The following SGIP1 variants were observed in gnomAD, a reference collection of about 807,000 sequenced individuals.
SGIP1 encodes SH3GL interacting endocytic adaptor 1.
In SGIP1, 38 loss-of-function variants were observed where a neutral mutation model predicts 107.5. The ratio of observed to expected loss-of-function variants is 0.35; its 90% CI spans 0.27 to 0.46. The LOEUF (loss-of-function observed/expected upper bound fraction) is 0.46. Ranked by LOEUF, SGIP1 falls within the 20% of genes least tolerant of loss-of-function variation. The pLI, the probability that SGIP1 is intolerant of heterozygous loss-of-function variation, is 1.00. For missense variants in SGIP1, 929 were observed against 1,019.5 expected, an observed-to-expected ratio of 0.91 and a Z score of 1.21; for synonymous variants, 365 against 366.1, an observed-to-expected ratio of 1.00 and a Z score of 0.03.
In SGIP1 at chr1:66,677,858, T is replaced by A. The variant is rs146600573; in HGVS notation, c.739+762T>A. Among the ~76,000 whole-genome samples the A allele has an allele frequency of 5.1e-4, 77 of 152,302 alleles. No individual in the cohort carries two copies. In the East Asian group the frequency reaches 0.011, roughly 23 times the overall value. ...GGGGAGGAGAGAGATGCAGAGGATGTTTTTACTCCTTTGGGCTCACATACA... is the reference window on the plus strand; with the variant it reads ...GGGGAGGAGAGAGATGCAGAGGATGATTTTACTCCTTTGGGCTCACATACA... On this transcript the variant is annotated intron_variant, in intron 13 of 24. Transcript: ENST00000371037.
rs1181717196 is a variant in SGIP1, at chr1:66,739,349, C to T, written c.2046C>T (p.Gly682=). 12 of 1,607,516 alleles carry T rather than the reference C, an allele frequency of 7.5e-6. No individual in the cohort carries two copies. In the South Asian group the frequency reaches 7.7e-5, roughly 10 times the overall value. The change falls in exon 22 of 25, where the codon GGC becomes GGT. Residue 682 remains glycine (G), a synonymous_variant. Transcript: ENST00000371037. ...DMLKYQVSAQ[G]IQSTPLNLAV... ...CGTTCGGCAAGGTGTCTGCCCAGGG[C>T]ATTCAGTCCACACCTCTGAACCTGG...
Position 66,625,882 on chromosome 1 carries a change from C to T in SGIP1, c.46C>T (p.Arg16Trp), listed in dbSNP as rs566273210. 3.2e-5 allele frequency: 51 copies of T among 1,611,802 alleles called. No homozygotes were observed. Among genetic ancestry groups the T allele is most frequent in the South Asian group, 4.4e-5 (4 of 90,764 alleles). The change falls in exon 2 of 25, where the codon CGG becomes TGG. Residue 16 changes from arginine (R) to tryptophan (W), a missense_variant. By Grantham distance (101) the Arg-to-Trp change is moderately radical. This residue lies in a region of SGIP1 where 588 missense variants were observed against 588.6 expected (regional missense o/e 1.00). Transcript: ENST00000371037. The part of the protein sequence containing the change: ...KKRTRKAFGI[R>W]KKEKDTDSTG... ...ACGTACAAGGAAGGCCTTTGGAATACGGAAGAAAGAAAAGGACACTGATTC... is the reference window on the plus strand; with the variant it reads ...ACGTACAAGGAAGGCCTTTGGAATATGGAAGAAAGAAAAGGACACTGATTC...
chr1:66,632,977 G>A, intron 2 of SGIP1, 93 bp from the exon 3 acceptor site: 1 of 814,458 alleles, frequency 1.2e-6, no homozygotes, highest in Non-Finnish European at 2.1e-6. Context: ...GGGAAGGGGA[G>A]GATGGTGGTT....
At chr1:66,730,928 G>T (rs1433497013) in intron 20 of SGIP1, among the ~76,000 whole-genome samples, 1 of 151,916 alleles carries the variant, frequency 6.6e-6, no homozygotes, top group Non-Finnish European at 1.5e-5. Flanking sequence ...CTGCCTCCTG[G>T]ACTATCCCAT....
At chr1:66,665,874 C>G (rs2082425805) in intron 8 of SGIP1, 1 of 152,132 alleles carries the variant, frequency 6.6e-6, no homozygotes, top group Non-Finnish European at 1.5e-5. Context: ...GATATTAGCC[C>G]TTTGTCAGAT....
intron 1 of SGIP1, among the ~76,000 whole-genome samples, chr1:66,536,701 T>G (rs929008846): frequency 6.6e-6 from 1 of 152,192 alleles, no homozygotes; most frequent in African/African-American, 2.4e-5. Context: ...CGTTGAAACA[T>G]TAGTGGACTC....
chr1:66,545,671 T>C (rs1247512831), intron 1 of SGIP1, among the ~76,000 whole-genome samples: 1 of 151,414 alleles, frequency 6.6e-6, no homozygotes, highest in Non-Finnish European at 1.5e-5. Context: ...TGTGTGTGTA[T>C]ACATACAGAG....
chr1:66,742,062 C>T (rs891747348), intron 24 of SGIP1, among the ~76,000 whole-genome samples: 1 of 152,226 alleles, frequency 6.6e-6, no homozygotes, highest in African/African-American at 2.4e-5. Flanking sequence ...CCACCGCACC[C>T]AGCCTTGCCT....
chr1:66,646,283 A>C (rs757433746), intron 7 of SGIP1, among the ~76,000 whole-genome samples: 2 of 152,224 alleles, frequency 1.3e-5, no homozygotes, highest in Admixed American at 6.5e-5. Flanking sequence ...AGAGCAGACA[A>C]TTATACATCT....
chr1:66,683,961 C>T (rs2087539495), intron 15 of SGIP1: 2 of 1,234,116 alleles, frequency 1.6e-6, no homozygotes, highest in Admixed American at 2.5e-5. Context: ...AAGTGACCCA[C>T]CTGCCTCAGC....
chr1:66,608,442 T>C (rs2067274989), intron 1 of SGIP1, among the ~76,000 whole-genome samples: 1 of 152,224 alleles, frequency 6.6e-6, no homozygotes, highest in Non-Finnish European at 1.5e-5. Flanking sequence ...TTGACCTATA[T>C]TTTGATGATG....
intron 5 of SGIP1, among the ~76,000 whole-genome samples, chr1:66,642,299 T>C (rs1255377588): frequency 1.3e-5 from 2 of 152,136 alleles, no homozygotes; most frequent in African/African-American, 2.4e-5. Flanking sequence ...GAACAGGCTC[T>C]TCCTTACCAC....
Position 66,589,770 on chromosome 1 carries a change from T to C in SGIP1, c.11-36077T>C, listed in dbSNP as rs115134426. Among the ~76,000 whole-genome samples, 547 of 152,342 alleles carry C rather than the reference T, an allele frequency of 3.6e-3. 5 individuals carry two copies. Among genetic ancestry groups the C allele is most frequent in the African/African-American group, 0.013 (521 of 41,590 alleles). On this transcript the variant is annotated intron_variant, in intron 1 of 24. Coordinates refer to ENST00000371037, the MANE Select transcript of SGIP1 (RefSeq NM_032291.4). ...CATATTCAGGTGTCGTGGAAATGTCTAGCTATTTAAACCCTCCATGGCCTA... is the reference window on the plus strand; with the variant it reads ...CATATTCAGGTGTCGTGGAAATGTCCAGCTATTTAAACCCTCCATGGCCTA...
chr1:66,714,749 G>T (rs559263890), intron 18 of SGIP1, among the ~76,000 whole-genome samples: 1 of 152,058 alleles, frequency 6.6e-6, no homozygotes, highest in African/African-American at 2.4e-5. Context: ...TTTCCCCAAG[G>T]CCACAGAGCT....
At chr1:66,653,650 A>T (rs2079156887) in intron 7 of SGIP1, among the ~76,000 whole-genome samples, 1 of 152,214 alleles carries the variant, frequency 6.6e-6, no homozygotes, top group Admixed American at 6.5e-5. Context: ...CTGTAACAAA[A>T]TCAAAATTTC....
intron 1 of SGIP1, among the ~76,000 whole-genome samples, chr1:66,551,182 A>G (rs2057347183): frequency 6.6e-6 from 1 of 152,112 alleles, no homozygotes; most frequent in Admixed American, 6.6e-5. Context: ...TTTAAATCAG[A>G]TTGGTTTGTA....
chr1:66,537,503 T>G (rs1038891123), intron 1 of SGIP1, among the ~76,000 whole-genome samples: 1 of 152,162 alleles, frequency 6.6e-6, no homozygotes, highest in Non-Finnish European at 1.5e-5. Flanking sequence ...TTGGGCTATC[T>G]GTCTATTTGT....
intron 1 of SGIP1, among the ~76,000 whole-genome samples, chr1:66,587,764 T>G (rs1248805120): frequency 6.6e-6 from 1 of 152,100 alleles, no homozygotes; most frequent in African/African-American, 2.4e-5. Context: ...GCCTCTACCT[T>G]AAATAAGCCC....
At chr1:66,637,802 T>A (rs750737522) in intron 4 of SGIP1, among the ~76,000 whole-genome samples, 3 of 150,430 alleles carry the variant, frequency 2.0e-5, no homozygotes, top group African/African-American at 7.3e-5. Flanking sequence ...TGTGTGTGTA[T>A]GTATGTGTGT....
Sources: allele counts gnomAD v4.1 joint callset (sites outside exome capture counted in the v4.1 genomes callset), GRCh38; gene constraint gnomAD v4.1.1; regional missense constraint gnomAD v4.1.1; transcripts MANE v1.5; gene names NCBI Gene and HGNC (gene_info 2026-07-23, HGNC 2026-07-21).